The following TTC23L variants were observed in gnomAD, a reference collection of about 807,000 sequenced individuals.
The protein encoded by TTC23L is tetratricopeptide repeat domain 23 like.
A neutral mutation model predicts 48.1 loss-of-function variants in TTC23L; 42 were observed. The ratio of observed to expected loss-of-function variants is 0.87; its 90% CI spans 0.68 to 1.13. The LOEUF (loss-of-function observed/expected upper bound fraction) is 1.13. TTC23L is among the 50% of genes most tolerant of loss of function. The pLI is 0.00. For synonymous variants in TTC23L, 159 were observed against 157.2 expected (o/e 1.01, Z -0.09); for missense variants, 391 against 421.0 (o/e 0.93, Z 0.62).
At chr5:34,868,856 T>C (rs1403066235) in intron 7 of TTC23L, 49 bp from the exon 8 acceptor site, 1 of 1,511,224 alleles carries the variant, frequency 6.6e-7, no homozygotes, top group Non-Finnish European at 9.0e-7. Context: ...AAATCCACAG[T>C]GAACACTGTC....
chr5:34,889,343 C>G (rs1019828513), intron 9 of TTC23L, among the ~76,000 whole-genome samples: 1 of 152,146 alleles, frequency 6.6e-6, no homozygotes, highest in Non-Finnish European at 1.5e-5. Flanking sequence ...ACTCTAAAGG[C>G]CATGTGTTTT....
the TTC23L span, chr5:34,925,232 C>A: frequency 1.3e-6 from 2 of 1,528,326 alleles, no homozygotes; most frequent in Non-Finnish European, 1.8e-6. Flanking sequence ...TTAGCATCGG[C>A]GTGTCATAAG....
chr5:34,914,805 T>C, the TTC23L span: 3 of 1,614,266 alleles, frequency 1.9e-6, no homozygotes, highest in South Asian at 2.2e-5. Context: ...GCTTTCAAGA[T>C]AGTGGAGAGA....
Position 34,863,039 on chromosome 5 carries a change from G to A in TTC23L, c.521G>A (p.Trp174Ter). 6.2e-7 allele frequency: 1 copy of A among 1,613,956 alleles called. No individual in the cohort carries two copies. Among genetic ancestry groups the A allele is most frequent in the Non-Finnish European group, 8.5e-7 (1 of 1,179,876 alleles). Residue 174 changes from tryptophan (W) to a stop codon, truncating the protein, a stop_gained, in exon 5 of 11, where the codon TGG (tryptophan) becomes TAG (stop). Transcript: ENST00000505624. LOFTEE classifies it high-confidence loss of function. This position sits in a 1 kb window ranked among gnomAD's most constrained non-coding sequence, Gnocchi z 4.1. ...CTGTACTACACTCTGGGCGTGGCCT[G>A]GCTCCTGCAGAACCGATATCCTTCC...
chr5:34,841,011 A>C (rs561996787), intron 2 of TTC23L, among the ~76,000 whole-genome samples: 9 of 152,104 alleles, frequency 5.9e-5, no homozygotes, highest in Non-Finnish European at 5.9e-5. Context: ...CCATCACTGC[A>C]CTCCAGTCTG....
rs1445054154 is a variant in TTC23L at position 34,880,313 on chromosome 5, A to G, written c.1077+5A>G. The G allele has an allele frequency of 4.4e-6, 7 of 1,605,384 alleles. No homozygotes were observed. Among genetic ancestry groups the G allele is most frequent in the African/African-American group, 2.7e-5 (2 of 74,384 alleles). On this transcript the variant is annotated splice_donor_5th_base_variant and intron_variant, in intron 9 of 10. Transcript: ENST00000505624. ...GTCCAAAATGGAGAAAAACAGGTAA[A>G]TATGATCAATGCATAAACAGAATTG... is the stretch of plus-strand genomic sequence containing the variant.
chr5:34,921,016 C>A, the TTC23L span: 1 of 152,146 alleles, frequency 6.6e-6, no homozygotes, highest in Non-Finnish European at 1.5e-5. Flanking sequence ...AGGCACACGC[C>A]AGTATGCCCA....
intron 8 of TTC23L, among the ~76,000 whole-genome samples, chr5:34,873,519 G>T (rs145187699): frequency 4.7e-4 from 72 of 152,278 alleles, no homozygotes; most frequent in Admixed American, 7.8e-4. Flanking sequence ...AGCTTTGCTG[G>T]CATTGGAGGC....
chr5:34,918,631 A>G, the TTC23L span: 2 of 476,984 alleles, frequency 4.2e-6, no homozygotes, highest in Non-Finnish European at 7.5e-6. Context: ...TCCAGTTAAC[A>G]TTTCGTAAGA....
intron 9 of TTC23L, among the ~76,000 whole-genome samples, chr5:34,893,501 G>A (rs926793486): frequency 1.3e-5 from 2 of 152,294 alleles, no homozygotes; most frequent in East Asian, 3.9e-4. Flanking sequence ...TTTGGAGCAT[G>A]CTTACACTTA....
chr5:34,851,628 C>T (rs974932487), intron 4 of TTC23L, among the ~76,000 whole-genome samples: 1 of 152,174 alleles, frequency 6.6e-6, no homozygotes, highest in African/African-American at 2.4e-5. Context: ...GCAGAGCAGG[C>T]AGCCACCTCT....
chr5:34,895,149 G>A (rs1178704283), intron 9 of TTC23L, among the ~76,000 whole-genome samples: 1 of 152,084 alleles, frequency 6.6e-6, no homozygotes, highest in African/African-American at 2.4e-5. Flanking sequence ...TTCCATTACT[G>A]GACAGTTCTG....
chr5:34,908,948 T>C, the TTC23L span: 2 of 1,599,972 alleles, frequency 1.3e-6, no homozygotes, highest in Non-Finnish European at 1.7e-6. Context: ...AAATCTTGTA[T>C]CTGTAGAAGA....
At chr5:34,894,323 T>G (rs976495323) in intron 9 of TTC23L, among the ~76,000 whole-genome samples, 14 of 152,176 alleles carry the variant, frequency 9.2e-5, no homozygotes, top group South Asian at 6.2e-4. Flanking sequence ...TACATTTTTA[T>G]TGCCATATAA....
chr5:34,844,097 G>A (rs1253859198), intron 2 of TTC23L, among the ~76,000 whole-genome samples: 1 of 152,182 alleles, frequency 6.6e-6, no homozygotes, highest in Non-Finnish European at 1.5e-5. Flanking sequence ...TCTGAGTTGT[G>A]TCTCGAAGGA....
At chr5:34,844,686 T>C (rs1409171153) in intron 2 of TTC23L, among the ~76,000 whole-genome samples, 2 of 152,198 alleles carry the variant, frequency 1.3e-5, no homozygotes, top group African/African-American at 4.8e-5. Context: ...AGATGAGTCC[T>C]TTGGGAGACT....
At chr5:34,919,937 T>A in the TTC23L span, 1 of 678,874 alleles carries the variant, frequency 1.5e-6, no homozygotes, top group Admixed American at 2.9e-5. Flanking sequence ...AACAGTGGCT[T>A]ATTTCAAAAC....
chr5:34,903,627 CAA>C (rs1281892317), downstream of TTC23L, among the ~76,000 whole-genome samples: 4 of 152,094 alleles, frequency 2.6e-5, no homozygotes, highest in Non-Finnish European at 5.9e-5. Context: ...GTGCTCTGCC[CAA>C]AAGTTTTAAA....
At chr5:34,908,643 A>C in the TTC23L span, 1 of 866,644 alleles carries the variant, frequency 1.2e-6, no homozygotes, top group Non-Finnish European at 1.8e-6. Context: ...CCTTGCTCCT[A>C]TCTTCCCCAT....
Sources: allele counts gnomAD v4.1 joint callset (sites outside exome capture counted in the v4.1 genomes callset), GRCh38; gene constraint gnomAD v4.1.1; non-coding constraint Gnocchi (gnomAD v3.1); transcripts MANE v1.5; gene names NCBI Gene and HGNC (gene_info 2026-07-23, HGNC 2026-07-21).